Variants in ARAP1 observed in about 807,000 individuals in gnomAD.
ARAP1 encodes the protein ArfGAP with RhoGAP domain, ankyrin repeat and PH domain 1, also known as arf-GAP with Rho-GAP domain, ANK repeat and PH domain-containing protein 1.
A neutral mutation model predicts 172.2 loss-of-function variants in ARAP1; 76 were observed. That is an observed-to-expected ratio of 0.44 (90% CI 0.37 to 0.53). The LOEUF is 0.53. Among genes scored for constraint, ARAP1 ranks in the 20% least tolerant of loss-of-function variants. The pLI is 0.00. For missense variants in ARAP1, 1,686 were observed against 1,977.5 expected, an observed-to-expected ratio of 0.85 and a Z score of 2.80; for synonymous variants, 804 against 803.3, an observed-to-expected ratio of 1.00 and a Z score of -0.01.
chr11:72,696,944 T>TGGA, intron 22 of ARAP1, 39 bp downstream of exon 22: 2 of 1,569,696 alleles, frequency 1.3e-6, no homozygotes, highest in Non-Finnish European at 1.7e-6. Context: ...GAGGGATGGG[T>TGGA]GGAGGAGGAG....
At chr11:72,732,991 G>T (rs568444875) in intron 1 of ARAP1, among the ~76,000 whole-genome samples, 2 of 151,666 alleles carry the variant, frequency 1.3e-5, no homozygotes, top group South Asian at 4.2e-4. Context: ...TCAAAAAAAA[G>T]AAAAGAAAAA....
rs993317356 is a variant in ARAP1 at position 72,711,304 on chromosome 11, A to G, written c.1092+126T>C. The G allele has an allele frequency of 5.9e-5, 86 of 1,463,610 alleles. No homozygotes were observed. In the African/African-American group the frequency reaches 1.2e-3, roughly 20 times the overall value. 90.7% of individuals were successfully genotyped at this position (1,463,610 alleles called of 1,614,324 possible). On this transcript the variant is annotated intron_variant, in intron 8 of 34. Coordinates refer to ENST00000393609, the MANE Select transcript of ARAP1 (RefSeq NM_001040118.3). ...TCAGCAGGCAGAGGGCCAGGAGGAC[A>G]TGGGTTAAGGGGTCAGACTTAGAAC...
Position 72,695,167 on chromosome 11 carries a change from A to G in ARAP1, c.3577-70T>C. On this transcript the variant is annotated intron_variant, in intron 26 of 34. Transcript: ENST00000393609. This position sits in a 1 kb window ranked among gnomAD's most constrained non-coding sequence, Gnocchi z 4.4. ...TGCTCTGCCACAACCTTGCTATGTG[A>G]CTCAGAGCCTGAGCCCATCCTTCTC... The G allele has an allele frequency of 6.6e-7, 1 of 1,509,498 alleles. No homozygotes were observed. Among genetic ancestry groups the G allele is most frequent in the Non-Finnish European group, 9.2e-7 (1 of 1,092,828 alleles). The allele number at this position is 1,509,498 out of a possible 1,614,324, so 93.5% of individuals were successfully genotyped here.
intron 3 of ARAP1, 142 bp from the exon 4 acceptor site, chr11:72,714,463 T>A: frequency 2.4e-6 from 2 of 817,760 alleles, no homozygotes; most frequent in Non-Finnish European, 3.7e-6. Context: ...CACACAGTCC[T>A]CCTCAACTCA....
rs1353413456 is a variant in ARAP1, at chr11:72,726,878, A to G, written c.251T>C (p.Met84Thr). ...TGGTGAGCGGAAGATGTGGCGCTTC[A>G]TGGGCACAGGCCGTGGGGTGGGGCG... ...APRPTPRPVP[M>T]KRHIFRSPPV... The change falls in exon 3 of 35, where the codon ATG (methionine) becomes ACG (threonine). Residue 84 changes from methionine to threonine, a missense_variant. By Grantham distance (81) the Met-to-Thr change is moderately conservative. This residue lies in a region of ARAP1 where 190 missense variants were observed against 228.6 expected (regional missense o/e 0.83). Coordinates refer to ENST00000393609, the MANE Select transcript of ARAP1 (RefSeq NM_001040118.3). The surrounding 1 kb of genome is among the most constrained non-coding windows in gnomAD (Gnocchi z 6.5). The G allele has an allele frequency of 1.3e-6, 2 of 1,516,678 alleles. No homozygotes were observed. The highest frequency in any genetic ancestry group is 5.1e-5 in the East Asian group (2 of 39,260). 94.0% of individuals were successfully genotyped at this position (1,516,678 alleles called of 1,614,324 possible).
chr11:72,691,850 G>C lies in ARAP1; in HGVS notation c.3987+903C>G, dbSNP rs889137730. 4.6e-5 allele frequency among the ~76,000 whole-genome samples: 7 copies of C among 152,160 alleles called. No individual in the cohort carries two copies. In the South Asian group the frequency reaches 6.2e-4, roughly 13 times the overall value. On this transcript the variant is annotated intron_variant, in intron 30 of 34. Transcript: ENST00000393609. The stretch of plus-strand genomic sequence containing the variant: ...TGTGGACAACAATTTTTCCATGGGT[G>C]GGGGGATGGTTTCGGGATAAAACTG...
At chr11:72,707,026 TA>T in intron 12 of ARAP1, 148 bp downstream of exon 12, 1 of 823,916 alleles carries the variant, frequency 1.2e-6, no homozygotes, top group Non-Finnish European at 1.8e-6. Context: ...GACTCAAAGC[TA>T]ATCACAGGTG....
chr11:72,751,606 C>A (rs989779542), intron 1 of ARAP1, among the ~76,000 whole-genome samples: 72 of 152,176 alleles, frequency 4.7e-4, no homozygotes, highest in African/African-American at 1.6e-3. Context: ...CCTGAAGCAC[C>A]CCCCTCCCAC....
chr11:72,739,211 C>T (rs1015458148), intron 1 of ARAP1, among the ~76,000 whole-genome samples: 7 of 152,150 alleles, frequency 4.6e-5, no homozygotes, highest in Admixed American at 2.6e-4. Flanking sequence ...TTCCATCTCT[C>T]GGGGACTGGT....
Position 72,704,332 on chromosome 11 carries a change from G to T in ARAP1, c.1812C>A (p.Leu604=). The change falls in exon 14 of 35, where the codon CTC becomes CTA. Residue 604 remains leucine (L), a splice_region_variant and synonymous_variant. Transcript: ENST00000393609. ...CAGCGCCATTCCCCAGCTGTAAGAA[G>T]AGCTGTGGGGGTGTGCAGGAGGTCA... ...RKVWTETLIE[L]FLQLGNGAGN... is the part of the protein sequence containing the mutation. 1 of 1,582,658 alleles carries T rather than the reference G, an allele frequency of 6.3e-7. No individual in the cohort carries two copies. The highest frequency in any genetic ancestry group is 8.6e-7 in the Non-Finnish European group (1 of 1,164,244).
chr11:72,731,707 G>A (rs1857875094), intron 2 of ARAP1, among the ~76,000 whole-genome samples: 1 of 152,160 alleles, frequency 6.6e-6, no homozygotes, highest in Non-Finnish European at 1.5e-5. Flanking sequence ...TGCACACACT[G>A]TTCAGGACCC....
chr11:72,734,687 CA>C (rs1857958813), intron 1 of ARAP1, among the ~76,000 whole-genome samples: 1 of 152,138 alleles, frequency 6.6e-6, no homozygotes, highest in Admixed American at 6.5e-5. Context: ...TCCAAAGCCA[CA>C]CACCTAAGAA....
intron 1 of ARAP1, among the ~76,000 whole-genome samples, chr11:72,735,509 T>C (rs1057345409): frequency 2.6e-5 from 4 of 151,992 alleles, no homozygotes; most frequent in Admixed American, 2.6e-4. Flanking sequence ...GGCAGGAGAA[T>C]TGCTTGAACC....
At chr11:72,735,237 C>T (rs900852878) in intron 1 of ARAP1, among the ~76,000 whole-genome samples, 1 of 152,100 alleles carries the variant, frequency 6.6e-6, no homozygotes, top group African/African-American at 2.4e-5. Flanking sequence ...CTGCCTCTGC[C>T]TCCCAAAGTG....
chr11:72,710,665 G>A lies in ARAP1; in HGVS notation c.1214-78C>T. Reference sequence around the variant, plus strand: ...GGTCTCCTGGCCCTAGGCTCCTCATGCAACACCTCCTCCAGAAAGCCCACT... The same window carrying A: ...GGTCTCCTGGCCCTAGGCTCCTCATACAACACCTCCTCCAGAAAGCCCACT... On this transcript the variant is annotated intron_variant, in intron 9 of 34. Transcript: ENST00000393609. This position sits in a 1 kb window ranked among gnomAD's most constrained non-coding sequence, Gnocchi z 4.3. The A allele has an allele frequency of 7.2e-7, 1 of 1,391,634 alleles. No individual in the cohort carries two copies. Among genetic ancestry groups the A allele is most frequent in the Non-Finnish European group, 9.6e-7 (1 of 1,042,292 alleles). The allele number at this position is 1,391,634 out of a possible 1,614,324, so 86.2% of individuals were successfully genotyped here.
chr11:72,688,594 G>A lies in ARAP1; in HGVS notation c.3988-57C>T, dbSNP rs17162433. ...AGTCTGCAGAAAGGGCACTGGGGCC[G>A]CTCTCCCGACTGGGCAGCTCCCTCT... On this transcript the variant is annotated intron_variant, in intron 30 of 34. Transcript: ENST00000393609. 1.3e-3 allele frequency: 1,954 copies of A among 1,457,144 alleles called. 19 individuals are homozygous for A. In the African/African-American group the frequency reaches 0.022, roughly 16 times the overall value. The allele number at this position is 1,457,144 out of a possible 1,614,324, so 90.3% of individuals were successfully genotyped here. A position where few individuals can be genotyped will look rare whatever the true frequency, so the allele number is the denominator to read the frequency against.
At chr11:72,722,230 T>C (rs1857548854) in intron 3 of ARAP1, 1 of 985,558 alleles carries the variant, frequency 1.0e-6, no homozygotes, top group East Asian at 1.1e-4. Context: ...TGTGTGTCTG[T>C]GTGTATGTGT....
rs771628235 is a variant in ARAP1, at chr11:72,713,168, G to T, written c.747+8C>A. ...CTGACAGGCAGACAGTCCCATGCCT[G>T]GCCCCACCTTCTTGGTCATCACTCT... On this transcript the variant is annotated splice_region_variant and intron_variant, in intron 5 of 34. Coordinates refer to ENST00000393609, the MANE Select transcript of ARAP1 (RefSeq NM_001040118.3). The T allele has an allele frequency of 1.9e-6, 3 of 1,613,640 alleles. No homozygotes were observed. The African/African-American group carries it at 4.0e-5, about 22-fold the overall frequency.
chr11:72,701,602 C>T lies in ARAP1; in HGVS notation c.2302+47G>A, dbSNP rs147203819. The stretch of plus-strand genomic sequence containing the variant: ...GCCCTGGCTTCCCTAGCCCTGCAGC[C>T]GTGACCAGATGCCATGGGCTAAAGC... On this transcript the variant is annotated intron_variant, in intron 16 of 34. Transcript: ENST00000393609. 122 of 1,587,158 alleles carry T rather than the reference C, an allele frequency of 7.7e-5. 1 individual carries two copies. The African/African-American group carries it at 1.2e-3, about 16-fold the overall frequency.
Sources: allele counts gnomAD v4.1 joint callset (sites outside exome capture counted in the v4.1 genomes callset), GRCh38; gene constraint gnomAD v4.1.1; regional missense constraint gnomAD v4.1.1; non-coding constraint Gnocchi (gnomAD v3.1); transcripts MANE v1.5; gene names NCBI Gene and HGNC (gene_info 2026-07-23, HGNC 2026-07-21).